Variants in DLG4 observed in about 807,000 individuals in gnomAD.
DLG4 encodes discs large MAGUK scaffold protein 4.
Under a neutral mutation model 93.8 loss-of-function variants are expected in DLG4, and 7 were observed. The observed-to-expected ratio is 0.07, with a 90% CI of 0.04 to 0.14. The LOEUF (loss-of-function observed/expected upper bound fraction) is 0.14, where lower values mean the gene tolerates loss of function less well. Among genes scored for constraint, DLG4 ranks in the 10% least tolerant of loss-of-function variants. The probability of loss-of-function intolerance (pLI) is 1.00; values close to 1 mark genes in which losing one functional copy is unlikely to be tolerated. For synonymous variants in DLG4, 341 were observed against 387.6 expected (o/e 0.88, Z 1.41); for missense variants, 545 against 992.9 (o/e 0.55, Z 6.06).
intron 8 of DLG4, among the ~76,000 whole-genome samples, chr17:7,198,459 G>C (rs1460162825): frequency 1.3e-5 from 2 of 148,672 alleles, no homozygotes; most frequent in African/African-American, 5.0e-5. Flanking sequence ...CTCCAGCCTG[G>C]GTGACAGAGC....
rs1567803066 is a variant in DLG4 at position 7,191,433 on chromosome 17, T to C, written c.1977-75A>G. 1 of 1,138,774 alleles carries C rather than the reference T, an allele frequency of 8.8e-7. No individual in the cohort carries two copies. The highest frequency in any genetic ancestry group is 1.3e-6 in the Non-Finnish European group (1 of 757,672). The allele number at this position is 1,138,774 out of a possible 1,614,324, so 70.5% of individuals were successfully genotyped here. The stretch of plus-strand genomic sequence containing the variant: ...GCCTTTTATCTCCTCTATCCAGGAA[T>C]GTTAAGTATTCTTCTATTTGGAGCA... On this transcript the variant is annotated intron_variant, in intron 18 of 19. Coordinates refer to ENST00000399506, the MANE Select transcript of DLG4 (RefSeq NM_001321075.3). This position sits in a 1 kb window ranked among gnomAD's most constrained non-coding sequence, Gnocchi z 6.6.
chr17:7,203,834 A>AG lies in DLG4; in HGVS notation c.211-19dup. On this transcript the variant is annotated intron_variant, in intron 4 of 19. Transcript: ENST00000399506. This position sits in a 1 kb window ranked among gnomAD's most constrained non-coding sequence, Gnocchi z 7.2. The stretch of plus-strand genomic sequence containing the variant: ...GAGTTACCCTGGGTGAAGGAGGGGA[A>AG]GAGGGTCAGCTCCCCTCACTGCCCA... 1 of 1,613,040 alleles carries AG rather than the reference A, an allele frequency of 6.2e-7. No homozygotes were observed.
rs71383475 is a variant in DLG4 at position 7,187,315 on chromosome 17, G to A, written c.*3393C>T. 8.5e-6 allele frequency among the ~76,000 whole-genome samples: 1 copy of A among 117,412 alleles called. No homozygotes were observed. Among genetic ancestry groups the A allele is most frequent in the African/African-American group, 2.7e-5 (1 of 37,148 alleles). 77.0% of individuals were successfully genotyped at this position (117,412 alleles called of 152,430 possible). ...AGCACTTTGGGAGGCCGAGGGGGGG[G>A]GGGGTGGATCACCCGAGGTCAGGAG... On this transcript the variant is annotated 3_prime_UTR_variant, in exon 20 of 20. Coordinates refer to ENST00000399506, the MANE Select transcript of DLG4 (RefSeq NM_001321075.3).
Position 7,194,936 on chromosome 17 carries a change from A to G in DLG4, c.1302-441T>C, listed in dbSNP as rs541549293. Among the ~76,000 whole-genome samples the G allele has an allele frequency of 6.6e-6, 1 of 151,784 alleles. No individual in the cohort carries two copies. Among genetic ancestry groups the G allele is most frequent in the South Asian group, 2.1e-4 (1 of 4,788 alleles). On this transcript the variant is annotated intron_variant, in intron 11 of 19. Coordinates refer to ENST00000399506, the MANE Select transcript of DLG4 (RefSeq NM_001321075.3). The surrounding 1 kb of genome is among the most constrained non-coding windows in gnomAD (Gnocchi z 4.4). ...CGGGAGGCTGAGGCAGGAAAATGGC[A>G]TGAACCCAGGAGGCGGAGCTTGCAG...
Position 7,217,507 on chromosome 17 carries a change from G to C in DLG4, c.-360C>G. On this transcript the variant is annotated 5_prime_UTR_variant, in exon 1 of 20. Coordinates refer to ENST00000399506, the MANE Select transcript of DLG4 (RefSeq NM_001321075.3). The stretch of plus-strand genomic sequence containing the variant: ...CTGGATTTCGGGGAGCCCCGGGGTA[G>C]GGGGGGGTCTTGCCAAACGGCCAGG... 1 of 225,618 alleles carries C rather than the reference G, an allele frequency of 4.4e-6. No individual in the cohort carries two copies. Among genetic ancestry groups the C allele is most frequent in the Admixed American group, 7.2e-5 (1 of 13,842 alleles). 14.0% of individuals were successfully genotyped at this position (225,618 alleles called of 1,614,324 possible).
rs1361250390 is a variant in DLG4 at position 7,193,804 on chromosome 17, G to A, written c.1543+40C>T. The A allele has an allele frequency of 6.2e-7, 1 of 1,612,410 alleles. No homozygotes were observed. On this transcript the variant is annotated intron_variant, in intron 14 of 19. Coordinates refer to ENST00000399506, the MANE Select transcript of DLG4 (RefSeq NM_001321075.3). The surrounding 1 kb of genome is among the most constrained non-coding windows in gnomAD (Gnocchi z 6.7). Reference sequence around the variant, plus strand: ...TTGAGGATATCAAAAGCAACTCAGTGCTCCTCTCACCCACATCTTCCCGAA... The same window carrying A: ...TTGAGGATATCAAAAGCAACTCAGTACTCCTCTCACCCACATCTTCCCGAA...
rs1367480370 is a variant in DLG4, at chr17:7,217,231, T to C, written c.-84A>G. The stretch of plus-strand genomic sequence containing the variant: ...CCTCCCCTCCGTGGGTTCTCACCCC[T>C]CCCCCCTCCGCACCCCACTTTTGCA... On this transcript the variant is annotated 5_prime_UTR_variant, in exon 1 of 20. Transcript: ENST00000399506. The C allele has an allele frequency of 9.2e-6, 11 of 1,196,828 alleles. No individual in the cohort carries two copies. The highest frequency in any genetic ancestry group is 1.1e-5 in the Non-Finnish European group (11 of 959,778). 74.1% of individuals were successfully genotyped at this position (1,196,828 alleles called of 1,614,324 possible).
In DLG4 at chr17:7,191,862, G is replaced by A; in HGVS notation, c.1976+31C>T. On this transcript the variant is annotated intron_variant, in intron 18 of 19. Transcript: ENST00000399506. The surrounding 1 kb of genome is among the most constrained non-coding windows in gnomAD (Gnocchi z 6.6). ...GCCCAGGGCCACAGGTGTTGGGGGA[G>A]CAAAGGGGAGGCCCCCAGGACCATA... 7.2e-7 allele frequency: 1 copy of A among 1,397,804 alleles called. No individual in the cohort carries two copies. The highest frequency in any genetic ancestry group is 1.7e-5 in the South Asian group (1 of 58,850). The allele number at this position is 1,397,804 out of a possible 1,614,324, so 86.6% of individuals were successfully genotyped here.
At chr17:7,205,949 G>A (rs1453153103) in intron 2 of DLG4, among the ~76,000 whole-genome samples, 1 of 150,994 alleles carries the variant, frequency 6.6e-6, no homozygotes, top group Non-Finnish European at 1.5e-5. Flanking sequence ...ATCTCTGCCC[G>A]CATCCCACAT....
chr17:7,212,298 G>A (rs1205343765), intron 1 of DLG4, among the ~76,000 whole-genome samples: 3 of 152,144 alleles, frequency 2.0e-5, no homozygotes, highest in African/African-American at 7.2e-5. Flanking sequence ...AGCCCCACCT[G>A]ATAGGCAGCC....
chr17:7,217,197 A>T lies in DLG4; in HGVS notation c.-50T>A. 1 of 1,262,792 alleles carries T rather than the reference A, an allele frequency of 7.9e-7. No individual in the cohort carries two copies. 78.2% of individuals were successfully genotyped at this position (1,262,792 alleles called of 1,614,324 possible). On this transcript the variant is annotated 5_prime_UTR_variant, in exon 1 of 20. Coordinates refer to ENST00000399506, the MANE Select transcript of DLG4 (RefSeq NM_001321075.3). ...GGGTAAGGGGCTCTGACTTCATCGG[A>T]GTTTCGTTCCTCCCCTCCGTGGGTT...
rs909287570 is a variant in DLG4 at position 7,195,735 on chromosome 17, G to A, written c.1301+485C>T. 2.6e-5 allele frequency among the ~76,000 whole-genome samples: 4 copies of A among 152,144 alleles called. No individual in the cohort carries two copies. Among genetic ancestry groups the A allele is most frequent in the Admixed American group, 1.3e-4 (2 of 15,280 alleles). On this transcript the variant is annotated intron_variant, in intron 11 of 19. Coordinates refer to ENST00000399506, the MANE Select transcript of DLG4 (RefSeq NM_001321075.3). The surrounding 1 kb of genome is among the most constrained non-coding windows in gnomAD (Gnocchi z 4.3). ...TGACCCCCGGGGGCGGGAGAGAGGT[G>A]TGTTTTGGCAGAAACCTAAGCCACA... is the stretch of plus-strand genomic sequence containing the variant.
intron 2 of DLG4, among the ~76,000 whole-genome samples, chr17:7,205,853 A>C (rs553577986): frequency 6.9e-6 from 1 of 145,638 alleles, no homozygotes; most frequent in Admixed American, 6.9e-5. Context: ...GCCCATCCTC[A>C]ATCCCCATCC....
At chr17:7,209,498 A>G (rs1428751057) in intron 1 of DLG4, among the ~76,000 whole-genome samples, 1 of 152,192 alleles carries the variant, frequency 6.6e-6, no homozygotes, top group Non-Finnish European at 1.5e-5. Flanking sequence ...GGGTAAAAAG[A>G]GAAGGCACGG....
chr17:7,203,448 T>G lies in DLG4; in HGVS notation c.481A>C (p.Ile161Leu), dbSNP rs2070270144. The part of the protein sequence containing the change: ...RKPPAEKVME[I>L]KLIKGPKGLG... ...CCTTTAGGCCCCTTGATGAGCTTGA[T>G]CTCCATGACCTTCTCAGCCGGGGGC... Residue 161 changes from isoleucine to leucine, a missense_variant, in exon 6 of 20, where the codon ATC becomes CTC. Physicochemically the swap from Ile to Leu is conservative, Grantham distance 5. Around this residue, in one of 5 missense-constraint regions of DLG4, gnomAD observed 30 missense variants for 36.1 expected, o/e 0.83. Transcript: ENST00000399506. This position sits in a 1 kb window ranked among gnomAD's most constrained non-coding sequence, Gnocchi z 7.2. 3.7e-6 allele frequency: 6 copies of G among 1,609,472 alleles called. No homozygotes were observed. The highest frequency in any genetic ancestry group is 5.1e-6 in the Non-Finnish European group (6 of 1,176,224).
intron 8 of DLG4, among the ~76,000 whole-genome samples, chr17:7,202,373 G>A (rs1263767818): frequency 2.0e-5 from 3 of 152,062 alleles, no homozygotes; most frequent in African/African-American, 2.4e-5. Context: ...CTCCCGTAAC[G>A]TTTTAATATA....
At chr17:7,192,874 G>A (rs751917727) in intron 17 of DLG4, 71 bp downstream of exon 17, 3 of 1,477,154 alleles carry the variant, frequency 2.0e-6, no homozygotes, top group Non-Finnish European at 2.7e-6. Context: ...GAGAGTTAGA[G>A]AAAGCTGGAG....
At chr17:7,211,621 A>G in intron 1 of DLG4, 1 of 920,674 alleles carries the variant, frequency 1.1e-6, no homozygotes, top group South Asian at 5.0e-5. Flanking sequence ...GGGTCCGGGA[A>G]GGGGGAGCGG....
In DLG4 at chr17:7,203,909, G is replaced by A; in HGVS notation, c.211-93C>T. 6.3e-7 allele frequency: 1 copy of A among 1,588,886 alleles called. No individual in the cohort carries two copies. The highest frequency in any genetic ancestry group is 8.6e-7 in the Non-Finnish European group (1 of 1,167,382). On this transcript the variant is annotated intron_variant, in intron 4 of 19. Coordinates refer to ENST00000399506, the MANE Select transcript of DLG4 (RefSeq NM_001321075.3). The surrounding 1 kb of genome is among the most constrained non-coding windows in gnomAD (Gnocchi z 7.2). ...GAAATGGCTTGGAGCAGCCAGAGGAGGAAGGCACAGGGTGAGGGGCTAGCC... is the reference window on the plus strand; with the variant it reads ...GAAATGGCTTGGAGCAGCCAGAGGAAGAAGGCACAGGGTGAGGGGCTAGCC...
Sources: gnomAD v4.1 joint callset for allele counts (sites outside exome capture counted in the v4.1 genomes callset) on GRCh38, gnomAD v4.1.1 for gene constraint, gnomAD v4.1.1 regional missense constraint, Gnocchi (gnomAD v3.1) non-coding constraint, MANE v1.5 for transcripts, NCBI Gene and HGNC (gene_info 2026-07-23, HGNC 2026-07-21) for gene names.